The following SSBP3 variants were observed in gnomAD, a reference collection of about 807,000 sequenced individuals.
SSBP3 encodes single stranded DNA binding protein 3.
In SSBP3, 5 loss-of-function variants were observed where a neutral mutation model predicts 69.6. The observed-to-expected ratio is 0.07, with a 90% CI of 0.04 to 0.15. The LOEUF (loss-of-function observed/expected upper bound fraction) is 0.15. Ranked by LOEUF, SSBP3 falls within the 10% of genes least tolerant of loss-of-function variation. SSBP3 has a pLI of 1.00. For synonymous variants in SSBP3, 196 were observed against 193.4 expected (o/e 1.01, Z -0.11); for missense variants, 312 against 534.0 (o/e 0.58, Z 4.10).
chr1:54,260,003 C>A (rs1644990880), intron 5 of SSBP3, among the ~76,000 whole-genome samples: 1 of 152,170 alleles, frequency 6.6e-6, no homozygotes, highest in Non-Finnish European at 1.5e-5. Flanking sequence ...AACATGAATA[C>A]CACTGTGATA....
intron 4 of SSBP3, among the ~76,000 whole-genome samples, chr1:54,396,711 A>G (rs1323767704): frequency 6.6e-6 from 1 of 152,212 alleles, no homozygotes; most frequent in Non-Finnish European, 1.5e-5. Context: ...TTAGCTAACA[A>G]AGATGGCATT....
chr1:54,321,455 T>C (rs569070585), intron 4 of SSBP3, among the ~76,000 whole-genome samples: 1 of 152,318 alleles, frequency 6.6e-6, no homozygotes, highest in African/African-American at 2.4e-5. Flanking sequence ...CACACCCTGC[T>C]ACCATCCCGA....
intron 14 of SSBP3, chr1:54,238,562 A>AGGAAGTGGGGCAAGCAGTAATC (rs1553122845): frequency 7.8e-5 from 27 of 347,256 alleles, no homozygotes; most frequent in Non-Finnish European, 1.3e-4. Context: ...GGGACACAGG[A>AGGAAGTGGGGCAAGCAGTAATC]GGAAGTGGGG....
chr1:54,300,008 C>G (rs1645773125), intron 4 of SSBP3, among the ~76,000 whole-genome samples: 1 of 152,174 alleles, frequency 6.6e-6, no homozygotes, highest in African/African-American at 2.4e-5. Context: ...GCTCCTATCA[C>G]AGTCTTCCTT....
intron 5 of SSBP3, among the ~76,000 whole-genome samples, chr1:54,277,904 T>C (rs530151242): frequency 6.6e-6 from 1 of 152,234 alleles, no homozygotes; most frequent in Non-Finnish European, 1.5e-5. Context: ...TTGCCAGATG[T>C]GCAGCCCAAC....
chr1:54,239,756 G>A (rs1055990335), intron 13 of SSBP3, among the ~76,000 whole-genome samples: 5 of 152,202 alleles, frequency 3.3e-5, no homozygotes, highest in Non-Finnish European at 7.3e-5. Context: ...AGAGAGAGCC[G>A]GAGTGGGAGC....
intron 4 of SSBP3, among the ~76,000 whole-genome samples, chr1:54,348,567 CTTTA>C (rs1305615453): frequency 6.6e-6 from 1 of 152,190 alleles, no homozygotes; most frequent in African/African-American, 2.4e-5. Flanking sequence ...AGGGGTTGGG[CTTTA>C]TTTGTTTTGG....
rs146357966 is a variant in SSBP3, at chr1:54,313,589, T to G, written c.277-32062A>C. 4.4e-3 allele frequency among the ~76,000 whole-genome samples: 664 copies of G among 152,188 alleles called. 4 individuals are homozygous for G. The highest frequency in any genetic ancestry group is 0.015 in the African/African-American group (628 of 41,518). ...CTTTTTGACATCAACAGTCAAGTAC[T>G]CTGGGGTCAATGCCTAAGGTCTTGC... On this transcript the variant is annotated intron_variant, in intron 4 of 17. Coordinates refer to ENST00000610401, the Ensembl canonical transcript of SSBP3.
intron 4 of SSBP3, among the ~76,000 whole-genome samples, chr1:54,380,754 T>C (rs552677787): frequency 6.6e-6 from 1 of 152,184 alleles, no homozygotes; most frequent in Non-Finnish European, 1.5e-5. Flanking sequence ...ACCATGGGGT[T>C]GGGGGTGTTG....
chr1:54,362,079 G>A (rs1406258141), intron 4 of SSBP3, among the ~76,000 whole-genome samples: 1 of 152,198 alleles, frequency 6.6e-6, no homozygotes, highest in Non-Finnish European at 1.5e-5. Context: ...TTCCCAGCCT[G>A]CCATCTTAAT....
At chr1:54,345,006 A>G (rs1646665765) in intron 4 of SSBP3, among the ~76,000 whole-genome samples, 1 of 152,204 alleles carries the variant, frequency 6.6e-6, no homozygotes, top group South Asian at 2.1e-4. Flanking sequence ...CAGACTTCCT[A>G]TTTATATTAC....
intron 4 of SSBP3, among the ~76,000 whole-genome samples, chr1:54,320,764 A>G (rs1021010018): frequency 2.0e-5 from 3 of 152,236 alleles, no homozygotes; most frequent in African/African-American, 7.2e-5. Context: ...GAGAAAGAGA[A>G]GGAGAGCAGA....
chr1:54,247,569 G>A (rs1332139898), intron 9 of SSBP3, among the ~76,000 whole-genome samples: 2 of 152,180 alleles, frequency 1.3e-5, no homozygotes, highest in Admixed American at 6.5e-5. Context: ...AGGAGATGGG[G>A]GTGGCATAGG....
At chr1:54,327,259 AG>A (rs1646325438) in intron 4 of SSBP3, among the ~76,000 whole-genome samples, 1 of 151,462 alleles carries the variant, frequency 6.6e-6, no homozygotes, top group African/African-American at 2.4e-5. Flanking sequence ...GAAGGAAGGA[AG>A]GAAGGAAGGA....
At chr1:54,390,803 G>A (rs570399790) in intron 4 of SSBP3, among the ~76,000 whole-genome samples, 3 of 152,352 alleles carry the variant, frequency 2.0e-5, no homozygotes, top group South Asian at 2.1e-4. Flanking sequence ...TAACACAAGC[G>A]GGCTCCGAGT....
intron 4 of SSBP3, chr1:54,285,384 T>TC (rs1645469630): frequency 6.6e-6 from 1 of 152,032 alleles, no homozygotes; most frequent in Non-Finnish European, 1.5e-5. Context: ...GCACCAACCC[T>TC]CCTGCAGCTC....
chr1:54,233,693 C>A (rs1313307806), intron 14 of SSBP3, among the ~76,000 whole-genome samples: 1 of 146,282 alleles, frequency 6.8e-6, no homozygotes, highest in African/African-American at 2.5e-5. Flanking sequence ...CCCGGCCAGC[C>A]GCCCCGTCTG....
At chr1:54,300,489 G>C (rs1645782147) in intron 4 of SSBP3, among the ~76,000 whole-genome samples, 1 of 152,188 alleles carries the variant, frequency 6.6e-6, no homozygotes, top group Non-Finnish European at 1.5e-5. Flanking sequence ...ATTTGCTGTT[G>C]CACACATTAA....
At chr1:54,379,753 C>T (rs1469616171) in intron 4 of SSBP3, among the ~76,000 whole-genome samples, 1 of 152,202 alleles carries the variant, frequency 6.6e-6, no homozygotes, top group Non-Finnish European at 1.5e-5. Context: ...CTTGCCCGAG[C>T]CAAAGTCCTG....
Sources: allele counts gnomAD v4.1 joint callset (sites outside exome capture counted in the v4.1 genomes callset), GRCh38; gene constraint gnomAD v4.1.1; transcripts MANE v1.5; gene names NCBI Gene and HGNC (gene_info 2026-07-23, HGNC 2026-07-21).